Variants in CELF5 observed in about 807,000 individuals in gnomAD.
The protein encoded by CELF5 is CUGBP Elav-like family member 5, also known as CUG-BP and ETR-3 like factor 5.
In CELF5, 6 loss-of-function variants were observed where a neutral mutation model predicts 54.9. That is an observed-to-expected ratio of 0.11 (90% CI 0.06 to 0.22). The LOEUF (loss-of-function observed/expected upper bound fraction) is 0.22. Ranked by LOEUF, CELF5 falls within the 10% of genes least tolerant of loss-of-function variation. The pLI is 1.00. For missense variants in CELF5, 401 were observed against 678.6 expected (o/e 0.59, Z 4.54); for synonymous variants, 271 against 290.9 (o/e 0.93, Z 0.70).
intron 12 of CELF5, chr19:3,296,494 A>C (rs1360218327): frequency 4.0e-5 from 6 of 151,638 alleles, no homozygotes; most frequent in African/African-American, 1.4e-4. Context: ...AAGAAAAAAA[A>C]AAATCTTCTG....
intron 1 of CELF5, among the ~76,000 whole-genome samples, chr19:3,247,773 TTTAA>T (rs894313797): frequency 6.6e-6 from 1 of 152,054 alleles, no homozygotes; most frequent in Admixed American, 6.6e-5. Flanking sequence ...AAAATTTTTT[TTTAA>T]TTGAGAAAGC....
intron 9 of CELF5, among the ~76,000 whole-genome samples, chr19:3,285,430 A>AC (rs2080224964): frequency 7.3e-6 from 1 of 136,452 alleles, no homozygotes; most frequent in South Asian, 2.4e-4. Flanking sequence ...CCTGGCTGTG[A>AC]CCCCGCCCTC....
At chr19:3,264,966 C>T (rs915816967) in intron 2 of CELF5, among the ~76,000 whole-genome samples, 4 of 151,012 alleles carry the variant, frequency 2.6e-5, no homozygotes, top group South Asian at 2.1e-4. Context: ...TGCCTGCCTC[C>T]GCCTCCCAAA....
At chr19:3,284,991 TGGGCCCTGGCCCCGCCCCCGCCTAGG>T in intron 9 of CELF5, 27 bp downstream of exon 9, 1 of 1,513,904 alleles carries the variant, frequency 6.6e-7, no homozygotes, top group Non-Finnish European at 9.1e-7. Context: ...GTGCCCGCGC[TGGGCCCTGGCCCCGCCCCCGCCTAGG>T]GCCCCGCCCC....
intron 8 of CELF5, among the ~76,000 whole-genome samples, chr19:3,283,042 G>A (rs565705451): frequency 6.6e-6 from 1 of 152,276 alleles, no homozygotes; most frequent in East Asian, 1.9e-4. Flanking sequence ...TGTTGGCCAG[G>A]CTGGTCTCGA....
At chr19:3,225,572 A>G in intron 1 of CELF5, 1 of 978,280 alleles carries the variant, frequency 1.0e-6, no homozygotes, top group Non-Finnish European at 1.2e-6. Context: ...CCGGCGGGGC[A>G]GGTCCGGCCG....
intron 2 of CELF5, among the ~76,000 whole-genome samples, chr19:3,256,656 C>T (rs927546879): frequency 4.7e-5 from 7 of 148,424 alleles, no homozygotes; most frequent in African/African-American, 1.2e-4. Flanking sequence ...GCAACCTCCG[C>T]CTCCTGGGTT....
chr19:3,294,715 G>A (rs2080406639), intron 12 of CELF5: 1 of 152,162 alleles, frequency 6.6e-6, no homozygotes, highest in African/African-American at 2.4e-5. Context: ...TGAATGAACA[G>A]AAACGGGGGA....
rs933768696 is a variant in CELF5, at chr19:3,284,830, C to T, written c.1040-72C>T. On this transcript the variant is annotated intron_variant, in intron 8 of 12. Transcript: ENST00000292672. ...GGGGTGTTTGTTGCTGTCCTTGCGG[C>T]TCTTAAGGATCGGGGGTGGATGGAA... 7 of 1,326,462 alleles carry T rather than the reference C, an allele frequency of 5.3e-6. No individual in the cohort carries two copies. The African/African-American group carries it at 8.7e-5, about 16-fold the overall frequency. 82.2% of individuals were successfully genotyped at this position (1,326,462 alleles called of 1,614,324 possible).
intron 4 of CELF5, among the ~76,000 whole-genome samples, chr19:3,277,257 C>T (rs1204938497): frequency 6.6e-6 from 1 of 151,710 alleles, no homozygotes; most frequent in African/African-American, 2.4e-5. Context: ...AGGTGGATCA[C>T]GAGATCAGGA....
chr19:3,252,351 G>A (rs2145067759), intron 2 of CELF5, among the ~76,000 whole-genome samples: 1 of 152,264 alleles, frequency 6.6e-6, no homozygotes, highest in Middle Eastern at 3.4e-3. Context: ...GTCTCTCCTG[G>A]TCAGCTTTGT....
intron 4 of CELF5, 88 bp from the exon 5 acceptor site, chr19:3,277,943 A>AG: frequency 1.1e-6 from 1 of 937,994 alleles, no homozygotes; most frequent in Non-Finnish European, 1.7e-6. Context: ...CTGGCCATGT[A>AG]GGTCTCTGTG....
rs1178261250 is a variant in CELF5, at chr19:3,281,450, T to A, written c.750+105T>A. 15 of 1,336,242 alleles carry A rather than the reference T, an allele frequency of 1.1e-5. No homozygotes were observed. Among genetic ancestry groups the A allele is most frequent in the African/African-American group, 4.3e-5 (3 of 69,210 alleles). The allele number at this position is 1,336,242 out of a possible 1,614,324, so 82.8% of individuals were successfully genotyped here. A position where few individuals can be genotyped will look rare whatever the true frequency, so the allele number is the denominator to read the frequency against. ...CTCCCTCCATCTCCCTGACTCAGGG[T>A]CCTCTCCTGGCGTGGCTGAACCCCA... On this transcript the variant is annotated intron_variant, in intron 6 of 12. Coordinates refer to ENST00000292672, the MANE Select transcript of CELF5 (RefSeq NM_021938.4). The surrounding 1 kb of genome is among the most constrained non-coding windows in gnomAD (Gnocchi z 6.5).
At chr19:3,270,646 C>G (rs1472730371) in intron 2 of CELF5, 4 of 150,376 alleles carry the variant, frequency 2.7e-5, no homozygotes, top group Non-Finnish European at 5.9e-5. Context: ...GGATGCCAGC[C>G]TGGCGCGCGT....
intron 1 of CELF5, among the ~76,000 whole-genome samples, chr19:3,227,798 C>A (rs565211621): frequency 6.6e-6 from 1 of 152,088 alleles, no homozygotes; most frequent in African/African-American, 2.4e-5. Context: ...CATTACCCCC[C>A]CTGCCTTCCT....
At chr19:3,285,769 C>A (rs1219491440) in intron 9 of CELF5, among the ~76,000 whole-genome samples, 173 bp from the exon 10 acceptor site, 2 of 148,534 alleles carry the variant, frequency 1.3e-5, no homozygotes, top group African/African-American at 5.0e-5. Context: ...GATCTTGGCC[C>A]CGCCCTCTGG....
rs759118276 is a variant in CELF5, at chr19:3,225,015, C to T, written c.259+17C>T. On this transcript the variant is annotated intron_variant, in intron 1 of 12. Coordinates refer to ENST00000292672, the MANE Select transcript of CELF5 (RefSeq NM_021938.4). ...TGCACAAAGGTGGGCGCCCGGCCCC[C>T]TCCCCCCTCTCCCCCTCCCTCCGCC... 144 of 1,413,454 alleles carry T rather than the reference C, an allele frequency of 1.0e-4. No homozygotes were observed. Among genetic ancestry groups the T allele is most frequent in the Non-Finnish European group, 1.3e-4 (140 of 1,056,084 alleles). The allele number at this position is 1,413,454 out of a possible 1,614,324, so 87.6% of individuals were successfully genotyped here.
chr19:3,242,070 C>T (rs1386395680), intron 1 of CELF5, among the ~76,000 whole-genome samples: 4 of 152,114 alleles, frequency 2.6e-5, no homozygotes, highest in African/African-American at 4.8e-5. Flanking sequence ...CCACCATGCC[C>T]GGCCCAAGGT....
chr19:3,236,513 G>T (rs1917606081), intron 1 of CELF5, among the ~76,000 whole-genome samples: 1 of 152,170 alleles, frequency 6.6e-6, no homozygotes, highest in African/African-American at 2.4e-5. Flanking sequence ...CCCCTGCCAT[G>T]CAGGGGGTTC....
Sources: gnomAD v4.1 joint callset for allele counts (sites outside exome capture counted in the v4.1 genomes callset) on GRCh38, gnomAD v4.1.1 for gene constraint, Gnocchi (gnomAD v3.1) non-coding constraint, MANE v1.5 for transcripts, NCBI Gene and HGNC (gene_info 2026-07-23, HGNC 2026-07-21) for gene names.